The following SREK1 variants were observed in gnomAD, a reference collection of about 807,000 sequenced individuals.
The protein encoded by SREK1 is splicing regulatory glutamine/lysine-rich protein 1.
SREK1 carries 13 observed loss-of-function variants against 66.5 expected under a neutral mutation model. That is an observed-to-expected ratio of 0.20 (90% confidence interval 0.13 to 0.31). The LOEUF is 0.31. Among genes scored for constraint, SREK1 ranks in the 10% least tolerant of loss-of-function variants. The probability of loss-of-function intolerance (pLI) is 1.00; values close to 1 mark genes in which losing one functional copy is unlikely to be tolerated. For synonymous variants in SREK1, 265 were observed against 263.5 expected (o/e 1.01, Z -0.05); for missense variants, 607 against 769.6 (o/e 0.79, Z 2.50).
In SREK1 at chr5:66,153,516, C is replaced by G; in HGVS notation, c.215C>G (p.Pro72Arg). 1 of 1,613,920 alleles carries G rather than the reference C, an allele frequency of 6.2e-7. No homozygotes were observed. Among genetic ancestry groups the G allele is most frequent in the Non-Finnish European group, 8.5e-7 (1 of 1,179,904 alleles). The change falls in exon 2 of 12, where the codon CCA becomes CGA. Residue 72 changes from proline (P) to arginine (R), a missense_variant. Pro to Arg is a moderately radical substitution (Grantham distance 103). Transcript: ENST00000334121. ...GTATGTTATGTTAAGTTTCGTGATC[C>G]ATCAAGTGTTGGCGTGGCCCAGCAT... The part of the protein sequence containing the change: ...SKVCYVKFRD[P>R]SSVGVAQHLT...
chr5:66,173,924 T>A (rs1745851899), intron 9 of SREK1, among the ~76,000 whole-genome samples: 1 of 152,196 alleles, frequency 6.6e-6, no homozygotes, highest in Non-Finnish European at 1.5e-5. Flanking sequence ...AGAGGTAGAA[T>A]TGAGTTGTGT....
chr5:66,164,492 A>G (rs776833841), intron 6 of SREK1: 10 of 1,052,274 alleles, frequency 9.5e-6, no homozygotes, highest in South Asian at 8.7e-5. Flanking sequence ...AAGTGGAGAA[A>G]GGACTTAAAA....
chr5:66,145,055 A>G (rs1229103135), intron 1 of SREK1: 2 of 985,766 alleles, frequency 2.0e-6, no homozygotes, highest in African/African-American at 3.5e-5. Flanking sequence ...CGGTCGCACA[A>G]ACTTAGCATT....
intron 1 of SREK1, among the ~76,000 whole-genome samples, chr5:66,145,616 C>T (rs553504631): frequency 1.3e-5 from 2 of 151,696 alleles, no homozygotes; most frequent in East Asian, 1.9e-4. Context: ...TTTTTCTTCT[C>T]TGCTTTTTGT....
chr5:66,147,807 A>G (rs1344038752), intron 1 of SREK1, among the ~76,000 whole-genome samples: 1 of 152,206 alleles, frequency 6.6e-6, no homozygotes, highest in Non-Finnish European at 1.5e-5. Context: ...AATATTGGAC[A>G]TATTACCTCA....
intron 1 of SREK1, among the ~76,000 whole-genome samples, chr5:66,148,484 A>C (rs1272943727): frequency 6.6e-6 from 1 of 152,108 alleles, no homozygotes; most frequent in Non-Finnish European, 1.5e-5. Flanking sequence ...TACCCACTGA[A>C]AAGTTTTAAT....
rs899870597 is a variant in SREK1 at position 66,181,792 on chromosome 5, C to T, written c.*2924C>T. The T allele has an allele frequency of 3.3e-5, 5 of 150,762 alleles. No individual in the cohort carries two copies. Among genetic ancestry groups the T allele is most frequent in the African/African-American group, 9.8e-5 (4 of 40,956 alleles). 9.3% of individuals were successfully genotyped at this position (150,762 alleles called of 1,614,324 possible). ...TCTGTGTTTCAAGTTCTTTTCTTCA[C>T]GAGGTTCAGTACCTGCTATGTTGAT... is the stretch of plus-strand genomic sequence containing the variant. On this transcript the variant is annotated 3_prime_UTR_variant, in exon 12 of 12. Transcript: ENST00000334121.
At chr5:66,159,616 T>C (rs1561501331) in intron 3 of SREK1, among the ~76,000 whole-genome samples, 2 of 152,158 alleles carry the variant, frequency 1.3e-5, no homozygotes, top group African/African-American at 4.8e-5. Flanking sequence ...TTAGATAGCA[T>C]AGAGGATCTA....
Position 66,182,515 on chromosome 5 carries a change from T to C in SREK1, c.*3647T>C, listed in dbSNP as rs1282511255. 2 of 152,144 alleles carry C rather than the reference T, an allele frequency of 1.3e-5. No homozygotes were observed. The highest frequency in any genetic ancestry group is 3.9e-4 in the East Asian group (2 of 5,194). 9.4% of individuals were successfully genotyped at this position (152,144 alleles called of 1,614,324 possible). On this transcript the variant is annotated 3_prime_UTR_variant, in exon 12 of 12. Transcript: ENST00000334121. ...AATCTTGGGTTTGTGGGTGAGTTTG[T>C]TTTTAGTACACTCTTATTGGTGGTT...
chr5:66,161,674 C>T (rs1426680477), intron 3 of SREK1, among the ~76,000 whole-genome samples: 1 of 152,166 alleles, frequency 6.6e-6, no homozygotes, highest in African/African-American at 2.4e-5. Context: ...CAATATATAA[C>T]AGCTAAGGTG....
Position 66,183,102 on chromosome 5 carries a change from T to A in SREK1, c.*4234T>A, listed in dbSNP as rs1265709587. 6.6e-6 allele frequency: 1 copy of A among 152,214 alleles called. No homozygotes were observed. Among genetic ancestry groups the A allele is most frequent in the Non-Finnish European group, 1.5e-5 (1 of 68,026 alleles). The allele number at this position is 152,214 out of a possible 1,614,324, so 9.4% of individuals were successfully genotyped here. On this transcript the variant is annotated 3_prime_UTR_variant, in exon 12 of 12. Coordinates refer to ENST00000334121, the MANE Select transcript of SREK1 (RefSeq NM_001077199.3). ...ATTTATATCTAGTTAACATTTTAAT[T>A]TTAAAATTGCCAACTTTTGGGAGAT...
chr5:66,175,904 G>A (rs568094279), intron 10 of SREK1, among the ~76,000 whole-genome samples: 6 of 151,958 alleles, frequency 3.9e-5, no homozygotes, highest in Non-Finnish European at 8.8e-5. Context: ...TTAAAAAATT[G>A]TTTGTGAGAC....
At chr5:66,150,444 TGCTGGAACCACAGGTA>T (rs1743691102) in intron 1 of SREK1, among the ~76,000 whole-genome samples, 1 of 152,248 alleles carries the variant, frequency 6.6e-6, no homozygotes, top group South Asian at 2.1e-4. Context: ...TGTGATGTGT[TGCTGGAACCACAGGTA>T]TCATTTTTGG....
At position 66,177,591 on chromosome 5, in the gene SREK1, C is replaced by T. The variant is rs753418203; in HGVS notation, c.1658C>T (p.Ser553Phe). ...AGAAGAGAGAGAGAACGTTCAACGT[C>T]TATGAGAAAGAGTTCTAATGATAGA... ...SERRERERST[S>F]MRKSSNDRDG... The change falls in exon 11 of 12, where the codon TCT becomes TTT. Residue 553 changes from serine (S) to phenylalanine (F), a missense_variant. Around this residue, in one of 5 missense-constraint regions of SREK1, gnomAD observed 318 missense variants for 310.3 expected, o/e 1.02. Coordinates refer to ENST00000334121, the MANE Select transcript of SREK1 (RefSeq NM_001077199.3). 3 of 1,610,990 alleles carry T rather than the reference C, an allele frequency of 1.9e-6. No individual in the cohort carries two copies. The highest frequency in any genetic ancestry group is 1.1e-5 in the South Asian group (1 of 90,740).
intron 2 of SREK1, chr5:66,156,611 A>G: frequency 1.0e-6 from 1 of 985,452 alleles, no homozygotes; most frequent in Non-Finnish European, 1.2e-6. Flanking sequence ...TCTCTCATAA[A>G]AACTGATAGC....
chr5:66,176,411 A>G (rs1746060477), intron 10 of SREK1, among the ~76,000 whole-genome samples: 2 of 152,094 alleles, frequency 1.3e-5, no homozygotes, highest in Admixed American at 6.6e-5. Context: ...CTTTCCTTTC[A>G]GTGGTTATTT....
In SREK1 at chr5:66,170,487, T is replaced by C. The variant is rs1745540595; in HGVS notation, c.1122-98T>C. ...TATATGTAAATGTCTGTAGGTACTATAAATTGTCTTGTGTTGGTAATTGTT... is the reference window on the plus strand; with the variant it reads ...TATATGTAAATGTCTGTAGGTACTACAAATTGTCTTGTGTTGGTAATTGTT... On this transcript the variant is annotated intron_variant, in intron 8 of 11. Coordinates refer to ENST00000334121, the MANE Select transcript of SREK1 (RefSeq NM_001077199.3). The C allele has an allele frequency of 7.9e-6, 11 of 1,399,192 alleles. No individual in the cohort carries two copies. In the East Asian group the frequency reaches 2.5e-4, roughly 32 times the overall value. The allele number at this position is 1,399,192 out of a possible 1,614,324, so 86.7% of individuals were successfully genotyped here.
At chr5:66,167,111 T>C (rs1020163182) in intron 7 of SREK1, 1 of 152,154 alleles carries the variant, frequency 6.6e-6, no homozygotes, top group African/African-American at 2.4e-5. Flanking sequence ...CTTCTACTTT[T>C]TCACCATTTT....
intron 1 of SREK1, among the ~76,000 whole-genome samples, chr5:66,153,188 T>C (rs1375272539): frequency 2.0e-5 from 3 of 152,130 alleles, no homozygotes; most frequent in African/African-American, 7.2e-5. Flanking sequence ...AATTAGCTTT[T>C]TTTACATTCA....
Sources: allele counts gnomAD v4.1 joint callset (sites outside exome capture counted in the v4.1 genomes callset), GRCh38; gene constraint gnomAD v4.1.1; regional missense constraint gnomAD v4.1.1; transcripts MANE v1.5; gene names NCBI Gene and HGNC (gene_info 2026-07-23, HGNC 2026-07-21).